SV2C: variants seen among roughly 807,000 people sequenced by gnomAD.
The protein encoded by SV2C is synaptic vesicle glycoprotein 2C.
A neutral mutation model predicts 79.7 loss-of-function variants in SV2C; 49 were observed. The ratio of observed to expected loss-of-function variants is 0.61; its 90% CI spans 0.49 to 0.78. The LOEUF (loss-of-function observed/expected upper bound fraction) is 0.78, where lower values mean the gene tolerates loss of function less well. SV2C is among the 30% of genes least tolerant of loss of function. SV2C has a pLI of 0.00. For synonymous variants in SV2C, 334 were observed against 333.2 expected (o/e 1.00, Z -0.03); for missense variants, 833 against 912.9 (o/e 0.91, Z 1.13).
chr5:76,323,578 C>T (rs113347011), intron 12 of SV2C, among the ~76,000 whole-genome samples: 74 of 152,226 alleles, frequency 4.9e-4, no homozygotes, highest in Admixed American at 2.4e-3. Flanking sequence ...TATAAAGACA[C>T]ATACACATGA....
chr5:76,038,528 A>G, the SV2C span, among the ~76,000 whole-genome samples: 47 of 152,364 alleles, frequency 3.1e-4, no homozygotes, highest in African/African-American at 1.1e-3. Flanking sequence ...TAATACTTAC[A>G]TTGCAGAGTT....
At chr5:75,847,540 A>G in the SV2C span, among the ~76,000 whole-genome samples, 1 of 152,212 alleles carries the variant, frequency 6.6e-6, no homozygotes, top group Non-Finnish European at 1.5e-5. Flanking sequence ...TTGGTGTTTC[A>G]AATCATTAAT....
At chr5:76,307,338 C>T (rs1171153247) in intron 12 of SV2C, among the ~76,000 whole-genome samples, 1 of 152,154 alleles carries the variant, frequency 6.6e-6, no homozygotes, top group East Asian at 1.9e-4. Flanking sequence ...CTAAAGAGAG[C>T]AGATACAGAG....
the SV2C span, among the ~76,000 whole-genome samples, chr5:75,848,787 T>A: frequency 1.3e-5 from 2 of 152,230 alleles, no homozygotes; most frequent in Non-Finnish European, 1.5e-5. Flanking sequence ...GGTGATAGGA[T>A]CAAGAATAGG....
chr5:76,251,438 G>A (rs1746114875), intron 4 of SV2C, among the ~76,000 whole-genome samples: 1 of 152,140 alleles, frequency 6.6e-6, no homozygotes, highest in Admixed American at 6.5e-5. Context: ...TGTCATCCTA[G>A]CTACTCAGGA....
At chr5:76,182,599 ACT>A (rs990921685) in intron 2 of SV2C, among the ~76,000 whole-genome samples, 12 of 152,130 alleles carry the variant, frequency 7.9e-5, no homozygotes, top group African/African-American at 2.9e-4. Context: ...GGAAGCACAC[ACT>A]CTCAGAGTTG....
the SV2C span, among the ~76,000 whole-genome samples, chr5:76,033,628 C>T: frequency 6.6e-6 from 1 of 152,166 alleles, no homozygotes; most frequent in Admixed American, 6.6e-5. Context: ...GGTACCAGTA[C>T]CATGCTGTTT....
the SV2C span, among the ~76,000 whole-genome samples, chr5:75,945,627 C>T: frequency 6.6e-6 from 1 of 152,002 alleles, no homozygotes; most frequent in African/African-American, 2.4e-5. Context: ...CCAAAATATA[C>T]ATTATTTTTA....
the SV2C span, among the ~76,000 whole-genome samples, chr5:75,971,815 G>GA: frequency 6.6e-6 from 1 of 151,960 alleles, no homozygotes; most frequent in African/African-American, 2.4e-5. Flanking sequence ...CACAGAATTG[G>GA]AAAAAACTAC....
the SV2C span, among the ~76,000 whole-genome samples, chr5:76,010,921 A>G: frequency 6.6e-6 from 1 of 152,192 alleles, no homozygotes; most frequent in South Asian, 2.1e-4. Flanking sequence ...TGGTGGGCTC[A>G]TTGAACCTTG....
At chr5:76,039,488 G>T in the SV2C span, among the ~76,000 whole-genome samples, 1 of 152,170 alleles carries the variant, frequency 6.6e-6, no homozygotes, top group Non-Finnish European at 1.5e-5. Flanking sequence ...AGGTGTGGTG[G>T]CTTACGCCTG....
the SV2C span, among the ~76,000 whole-genome samples, chr5:75,916,461 C>A: frequency 6.7e-6 from 1 of 149,748 alleles, no homozygotes; most frequent in Non-Finnish European, 1.5e-5. Context: ...TCCTCCTTCT[C>A]TTCTTCCTCC....
At chr5:76,142,599 C>T (rs10066177) in intron 2 of SV2C, among the ~76,000 whole-genome samples, 135,514 of 152,238 alleles carry the variant, frequency 0.89, 60,442 homozygotes, top group Non-Finnish European at 0.92. Flanking sequence ...TGTATCCAGT[C>T]CTTTGCTTAT....
At chr5:75,917,903 G>A in the SV2C span, among the ~76,000 whole-genome samples, 1 of 152,098 alleles carries the variant, frequency 6.6e-6, no homozygotes, top group South Asian at 2.1e-4. Flanking sequence ...CACATTGCAT[G>A]CCTATATAAA....
intron 1 of SV2C, among the ~76,000 whole-genome samples, chr5:76,107,602 G>A (rs1747961585): frequency 6.6e-6 from 1 of 152,168 alleles, no homozygotes; most frequent in East Asian, 1.9e-4. Flanking sequence ...GGTGGCTCAC[G>A]CCTGTAATCC....
At chr5:75,956,495 A>G in the SV2C span, among the ~76,000 whole-genome samples, 1 of 151,856 alleles carries the variant, frequency 6.6e-6, no homozygotes, top group South Asian at 2.1e-4. Context: ...ATGTATACAT[A>G]TGTAACTAAC....
the SV2C span, among the ~76,000 whole-genome samples, chr5:75,888,445 C>G: frequency 0.034 from 5,130 of 151,986 alleles, 266 homozygotes; most frequent in African/African-American, 0.11. Flanking sequence ...CCCTTCATCA[C>G]TCACTCCATT....
chr5:76,008,243 T>G, the SV2C span, among the ~76,000 whole-genome samples: 1 of 152,132 alleles, frequency 6.6e-6, no homozygotes, highest in African/African-American at 2.4e-5. Flanking sequence ...CAGCTAAGGA[T>G]GAACTGAAGG....
At chr5:76,015,288 C>T in the SV2C span, among the ~76,000 whole-genome samples, 47 of 151,164 alleles carry the variant, frequency 3.1e-4, no homozygotes, top group Non-Finnish European at 3.7e-4. Flanking sequence ...CCACTAACTC[C>T]CACTGGACAT....
Sources: allele counts gnomAD v4.1 joint callset (sites outside exome capture counted in the v4.1 genomes callset), GRCh38; gene constraint gnomAD v4.1.1; transcripts MANE v1.5; gene names NCBI Gene and HGNC (gene_info 2026-07-23, HGNC 2026-07-21).